NIBAN1: variants seen among roughly 807,000 people sequenced by gnomAD.
NIBAN1 encodes the protein niban apoptosis regulator 1.
A neutral mutation model predicts 75.1 loss-of-function variants in NIBAN1; 81 were observed. The observed-to-expected ratio is 1.08, with a 90% CI of 0.90 to 1.30. The LOEUF is 1.30. Among genes scored for constraint, NIBAN1 ranks in the 50% most tolerant of loss-of-function variants. NIBAN1 has a pLI of 0.00. For missense variants in NIBAN1, 1,133 were observed against 1,128.1 expected, an observed-to-expected ratio of 1.00 and a Z score of -0.06; for synonymous variants, 436 against 424.8, an observed-to-expected ratio of 1.03 and a Z score of -0.32.
At chr1:184,952,380 G>A (rs6692259) in intron 1 of NIBAN1, among the ~76,000 whole-genome samples, 3,540 of 152,234 alleles carry the variant, frequency 0.023, 123 homozygotes, top group African/African-American at 0.08. Context: ...CAGCCTGGGC[G>A]ACAGAGCAAG....
chr1:184,923,392 C>A (rs1328726399), intron 1 of NIBAN1, among the ~76,000 whole-genome samples: 1 of 152,122 alleles, frequency 6.6e-6, no homozygotes, highest in Non-Finnish European at 1.5e-5. Context: ...TAGATTTATT[C>A]TGGGTTCTCT....
intron 1 of NIBAN1, among the ~76,000 whole-genome samples, chr1:184,968,672 T>C (rs1266671206): frequency 6.6e-6 from 1 of 152,214 alleles, no homozygotes; most frequent in Non-Finnish European, 1.5e-5. Context: ...TAAGGCAGCA[T>C]TTAGTATACT....
intron 9 of NIBAN1, among the ~76,000 whole-genome samples, chr1:184,808,721 C>T (rs1021566514): frequency 3.3e-4 from 50 of 152,134 alleles, no homozygotes; most frequent in African/African-American, 1.2e-3. Context: ...TGAGGATCTG[C>T]CAGGGCCCAC....
intron 5 of NIBAN1, among the ~76,000 whole-genome samples, chr1:184,856,535 T>C (rs986784782): frequency 1.3e-5 from 2 of 152,126 alleles, no homozygotes; most frequent in African/African-American, 4.8e-5. Flanking sequence ...GGAAAAAAGG[T>C]GATAACTAAT....
chr1:184,847,136 A>C lies in NIBAN1; in HGVS notation c.602-15174T>G, dbSNP rs1248426921. Among the ~76,000 whole-genome samples the C allele has an allele frequency of 3.2e-3, 112 of 35,008 alleles. 28 individuals carry two copies. Among genetic ancestry groups the C allele is most frequent in the East Asian group, 0.027 (71 of 2,674 alleles). The allele number at this position is 35,008 out of a possible 152,430, so 23.0% of individuals were successfully genotyped here. On this transcript the variant is annotated intron_variant, in intron 5 of 13. Coordinates refer to ENST00000367511, the MANE Select transcript of NIBAN1 (RefSeq NM_052966.4). ...GAAATACAGAGAATGCCACAAAGACACTCCTCGAGAAGAGCAACTCCAAGA... is the reference window on the plus strand; with the variant it reads ...GAAATACAGAGAATGCCACAAAGACCCTCCTCGAGAAGAGCAACTCCAAGA...
intron 1 of NIBAN1, among the ~76,000 whole-genome samples, chr1:184,918,436 A>G (rs1222098412): frequency 6.6e-6 from 1 of 152,220 alleles, no homozygotes; most frequent in Non-Finnish European, 1.5e-5. Flanking sequence ...GGGTTCTTCC[A>G]GGCTCTTCTC....
chr1:184,958,077 T>G (rs535096698), intron 1 of NIBAN1, among the ~76,000 whole-genome samples: 1 of 152,210 alleles, frequency 6.6e-6, no homozygotes, highest in South Asian at 2.1e-4. Flanking sequence ...CTTCAAAAAG[T>G]AGCCAAAGGC....
At chr1:184,798,037 C>T (rs1653924427) in intron 13 of NIBAN1, 42 bp downstream of exon 13, 1 of 1,360,088 alleles carries the variant, frequency 7.4e-7, no homozygotes, top group Non-Finnish European at 1.0e-6. Flanking sequence ...GGGATGCTCC[C>T]CTCTATGGAG....
intron 1 of NIBAN1, among the ~76,000 whole-genome samples, chr1:184,960,369 C>T (rs72739654): frequency 0.041 from 6,260 of 152,230 alleles, 192 homozygotes; most frequent in Middle Eastern, 0.085. Context: ...GTTTCTTCAT[C>T]ACATCCTGAA....
intron 5 of NIBAN1, among the ~76,000 whole-genome samples, chr1:184,841,861 C>T (rs1655296092): frequency 6.6e-6 from 1 of 152,154 alleles, no homozygotes; most frequent in South Asian, 2.1e-4. Context: ...GCATCATGTG[C>T]CTCCCACCAC....
intron 5 of NIBAN1, among the ~76,000 whole-genome samples, chr1:184,866,222 G>A (rs1288267454): frequency 6.6e-6 from 1 of 152,148 alleles, no homozygotes; most frequent in African/African-American, 2.4e-5. Flanking sequence ...ATGGAAGTAA[G>A]GACAGGTACG....
chr1:184,910,537 T>G (rs768573757), intron 1 of NIBAN1, among the ~76,000 whole-genome samples: 3 of 152,214 alleles, frequency 2.0e-5, no homozygotes, highest in Non-Finnish European at 4.4e-5. Flanking sequence ...ACTACATTAA[T>G]TTTTATGGAG....
intron 5 of NIBAN1, among the ~76,000 whole-genome samples, chr1:184,851,838 G>A (rs563182389): frequency 6.5e-5 from 7 of 107,828 alleles, no homozygotes; most frequent in Admixed American, 3.0e-4. Flanking sequence ...CTGATCTAAC[G>A]ACTTTTTTTT....
At chr1:184,901,999 A>C (rs1656968774) in intron 1 of NIBAN1, among the ~76,000 whole-genome samples, 2 of 152,208 alleles carry the variant, frequency 1.3e-5, no homozygotes, top group African/African-American at 4.8e-5. Context: ...TCTGGACTTT[A>C]GATTAAGCCT....
At chr1:184,805,024 G>A (rs1210235120) in intron 11 of NIBAN1, among the ~76,000 whole-genome samples, 8 of 152,118 alleles carry the variant, frequency 5.3e-5, no homozygotes, top group East Asian at 1.9e-4. Flanking sequence ...TCCTGACCTC[G>A]TGATCTGCCC....
chr1:184,802,152 A>G (rs1654062990), intron 12 of NIBAN1, among the ~76,000 whole-genome samples: 1 of 152,252 alleles, frequency 6.6e-6, no homozygotes, highest in South Asian at 2.1e-4. Flanking sequence ...TCTATTCTGC[A>G]AATCCAGATT....
intron 12 of NIBAN1, among the ~76,000 whole-genome samples, chr1:184,799,777 G>A (rs1424536231): frequency 1.5e-5 from 1 of 67,688 alleles, no homozygotes; most frequent in Non-Finnish European, 2.4e-5. Context: ...ACGGAGTCTC[G>A]CTCTGTCGCC....
chr1:184,936,695 G>A (rs234637), intron 1 of NIBAN1, among the ~76,000 whole-genome samples: 6,026 of 152,168 alleles, frequency 0.04, 321 homozygotes, highest in East Asian at 0.13. Context: ...CACTGCGTGC[G>A]TGCGTGTGTG....
At chr1:184,921,383 T>C (rs934804927) in intron 1 of NIBAN1, among the ~76,000 whole-genome samples, 1 of 152,104 alleles carries the variant, frequency 6.6e-6, no homozygotes, top group Non-Finnish European at 1.5e-5. Flanking sequence ...TACAGACTTT[T>C]ATAGAGACAG....
Sources: gnomAD v4.1 joint callset for allele counts (sites outside exome capture counted in the v4.1 genomes callset) on GRCh38, gnomAD v4.1.1 for gene constraint, MANE v1.5 for transcripts, NCBI Gene and HGNC (gene_info 2026-07-23, HGNC 2026-07-21) for gene names.